The following GNAL variants were observed in gnomAD, a reference collection of about 807,000 sequenced individuals.
GNAL encodes the protein guanine nucleotide-binding protein G(olf) subunit alpha.
Under a neutral mutation model 55.1 loss-of-function variants are expected in GNAL, and 18 were observed. The observed-to-expected ratio is 0.33, with a 90% CI of 0.23 to 0.48. The LOEUF (loss-of-function observed/expected upper bound fraction) is 0.48. Ranked by LOEUF, GNAL falls within the 20% of genes least tolerant of loss-of-function variation. GNAL has a pLI of 0.99. For missense variants in GNAL, 412 were observed against 614.1 expected (o/e 0.67, Z 3.48); for synonymous variants, 253 against 237.0 (o/e 1.07, Z -0.62).
chr18:11,742,561 C>A lies in GNAL; in HGVS notation c.377-10292C>A, dbSNP rs76173175. ...GGGGCTGCCTCTTAAGAAAAGTTTC[C>A]GTGCCAAGAACACGCATTCTGGGGC... On this transcript the variant is annotated intron_variant, in intron 1 of 11. Coordinates refer to ENST00000334049, the MANE Select transcript of GNAL (RefSeq NM_182978.4). Among the ~76,000 whole-genome samples, 1,145 of 152,358 alleles carry A rather than the reference C, an allele frequency of 7.5e-3. 11 individuals are homozygous for A. Among genetic ancestry groups the A allele is most frequent in the African/African-American group, 0.026 (1,085 of 41,582 alleles).
rs573391646 is a variant in GNAL, at chr18:11,748,532, A to T, written c.377-4321A>T. ...CCTGGGTATATTTTGGTACTTTTTC[A>T]TCACATCTGTTTACCTAATCCTTCT... On this transcript the variant is annotated intron_variant, in intron 1 of 11. Transcript: ENST00000334049. Among the ~76,000 whole-genome samples, 425 of 152,248 alleles carry T rather than the reference A, an allele frequency of 2.8e-3. 4 individuals carry two copies. The highest frequency in any genetic ancestry group is 9.8e-3 in the African/African-American group (408 of 41,538).
chr18:11,693,385 T>A (rs1437571838), intron 1 of GNAL, among the ~76,000 whole-genome samples: 1 of 152,212 alleles, frequency 6.6e-6, no homozygotes, highest in Non-Finnish European at 1.5e-5. Flanking sequence ...TGACTCACTT[T>A]TCAGGGGGAG....
rs1471206907 is a variant in GNAL at position 11,868,370 on chromosome 18, G to A, written c.911-173G>A. On this transcript the variant is annotated intron_variant, in intron 8 of 11. Coordinates refer to ENST00000334049, the MANE Select transcript of GNAL (RefSeq NM_182978.4). This position sits in a 1 kb window ranked among gnomAD's most constrained non-coding sequence, Gnocchi z 4.0. ...TTGGGGTGGGCTCTTCATCAAGTGC[G>A]TTACTGAAGCAACCAGTGGTGCGCG... 1.3e-5 allele frequency among the ~76,000 whole-genome samples: 2 copies of A among 151,994 alleles called. No individual in the cohort carries two copies. The highest frequency in any genetic ancestry group is 6.6e-5 in the Admixed American group (1 of 15,254).
rs139379653 is a variant in GNAL, at chr18:11,763,760, A to G, written c.624+9815A>G. 2.0e-5 allele frequency among the ~76,000 whole-genome samples: 3 copies of G among 152,350 alleles called. No individual in the cohort carries two copies. The East Asian group carries it at 5.8e-4, about 29-fold the overall frequency. On this transcript the variant is annotated intron_variant, in intron 4 of 11. Transcript: ENST00000334049. ...ATAGCAGTAACAATAATAATAAATA[A>G]TGATATTGGTAACTCTGGTCAGTAA...
chr18:11,755,948 T>G (rs1452837427), intron 4 of GNAL, among the ~76,000 whole-genome samples: 1 of 152,216 alleles, frequency 6.6e-6, no homozygotes, highest in African/African-American at 2.4e-5. Context: ...AACTTCAGAT[T>G]TAGACATTTA....
intron 4 of GNAL, among the ~76,000 whole-genome samples, chr18:11,758,920 C>A (rs1034289212): frequency 6.6e-6 from 1 of 152,198 alleles, no homozygotes; most frequent in Non-Finnish European, 1.5e-5. Flanking sequence ...CACCTGTAAT[C>A]CCAGTACTTT....
At chr18:11,825,418 T>A (rs1460876925) in intron 5 of GNAL, among the ~76,000 whole-genome samples, 1 of 152,158 alleles carries the variant, frequency 6.6e-6, no homozygotes, top group East Asian at 1.9e-4. Flanking sequence ...AGTAATGTGA[T>A]CATTCTGTAC....
intron 11 of GNAL, among the ~76,000 whole-genome samples, chr18:11,880,060 C>G (rs561165395): frequency 6.6e-6 from 1 of 150,904 alleles, no homozygotes; most frequent in African/African-American, 2.4e-5. Flanking sequence ...AGTTCAAGAC[C>G]AGCCTGACCA....
intron 9 of GNAL, among the ~76,000 whole-genome samples, chr18:11,871,624 G>T (rs1236309538): frequency 1.3e-5 from 2 of 152,144 alleles, no homozygotes; most frequent in African/African-American, 2.4e-5. Flanking sequence ...TGATGGAGGC[G>T]GAAGAAGAAC....
chr18:11,853,067 T>C (rs913684484), intron 5 of GNAL: 2 of 167,126 alleles, frequency 1.2e-5, no homozygotes, highest in African/African-American at 4.8e-5. Flanking sequence ...ACTGTGTGTG[T>C]GTAGGTTTTG....
chr18:11,739,308 T>G (rs2032525101), intron 1 of GNAL, among the ~76,000 whole-genome samples: 1 of 152,236 alleles, frequency 6.6e-6, no homozygotes, highest in Admixed American at 6.5e-5. Flanking sequence ...GCATACATTC[T>G]GTAGATGTGC....
At chr18:11,862,880 A>ATT (rs35630944) in intron 6 of GNAL, among the ~76,000 whole-genome samples, 1,437 of 135,084 alleles carry the variant, frequency 0.011, 23 homozygotes, top group African/African-American at 0.037. Flanking sequence ...GCACTCCACC[A>ATT]TTTTTTTTTT....
chr18:11,825,105 G>A (rs2035206182), intron 5 of GNAL, 90 bp downstream of exon 5: 8 of 742,944 alleles, frequency 1.1e-5, no homozygotes, highest in Non-Finnish European at 1.9e-5. Flanking sequence ...GAAGTTTCTT[G>A]AGTGCAAGGA....
At chr18:11,799,044 C>T (rs955865289) in intron 4 of GNAL, among the ~76,000 whole-genome samples, 5 of 150,666 alleles carry the variant, frequency 3.3e-5, no homozygotes, top group East Asian at 3.9e-4. Flanking sequence ...ACCTGGGAGG[C>T]GGAGGTTGCA....
intron 4 of GNAL, among the ~76,000 whole-genome samples, chr18:11,818,555 G>A (rs2035016231): frequency 6.6e-6 from 1 of 152,176 alleles, no homozygotes; most frequent in Admixed American, 6.5e-5. Flanking sequence ...GTCCAGAAAG[G>A]ATTTAGTGCT....
At chr18:11,761,331 C>G (rs2033235788) in intron 4 of GNAL, among the ~76,000 whole-genome samples, 1 of 152,228 alleles carries the variant, frequency 6.6e-6, no homozygotes, top group South Asian at 2.1e-4. Flanking sequence ...AGGCCCCTGA[C>G]TGCTCAGGAA....
chr18:11,869,279 G>C (rs566449013), intron 9 of GNAL, among the ~76,000 whole-genome samples: 1 of 152,108 alleles, frequency 6.6e-6, no homozygotes, highest in East Asian at 1.9e-4. Flanking sequence ...GAGTAGCTGG[G>C]ACTACAGGCG....
rs532365505 is a variant in GNAL, at chr18:11,874,983, G to A, written c.1163-1638G>A. 4.6e-5 allele frequency among the ~76,000 whole-genome samples: 7 copies of A among 152,288 alleles called. No individual in the cohort carries two copies. In the East Asian group the frequency reaches 7.7e-4, roughly 17 times the overall value. On this transcript the variant is annotated intron_variant, in intron 10 of 11. Coordinates refer to ENST00000334049, the MANE Select transcript of GNAL (RefSeq NM_182978.4). ...AGTGGTAAGAACACTCAGCTGTGTCGCCTAGATCTCAGATTTCGTGGGGTT... is the reference window on the plus strand; with the variant it reads ...AGTGGTAAGAACACTCAGCTGTGTCACCTAGATCTCAGATTTCGTGGGGTT...
At chr18:11,861,217 C>T (rs1262942009) in intron 5 of GNAL, among the ~76,000 whole-genome samples, 5 of 152,180 alleles carry the variant, frequency 3.3e-5, no homozygotes, top group South Asian at 4.1e-4. Context: ...TCAACGCCAG[C>T]ACCAACAGAG....
Sources: gnomAD v4.1 joint callset for allele counts (sites outside exome capture counted in the v4.1 genomes callset) on GRCh38, gnomAD v4.1.1 for gene constraint, Gnocchi (gnomAD v3.1) non-coding constraint, MANE v1.5 for transcripts, NCBI Gene and HGNC (gene_info 2026-07-23, HGNC 2026-07-21) for gene names.